ENOX1: variants seen among roughly 807,000 people sequenced by gnomAD.
The protein encoded by ENOX1 is ecto-NOX disulfide-thiol exchanger 1.
Under a neutral mutation model 82.5 loss-of-function variants are expected in ENOX1, and 42 were observed. The observed-to-expected ratio is 0.51, with a 90% CI of 0.40 to 0.66. The LOEUF (loss-of-function observed/expected upper bound fraction) is 0.66. ENOX1 is among the 30% of genes least tolerant of loss of function. ENOX1 has a pLI of 0.00. For missense variants in ENOX1, 608 were observed against 811.6 expected (o/e 0.75, Z 3.05); for synonymous variants, 271 against 282.2 (o/e 0.96, Z 0.40).
intron 2 of ENOX1, among the ~76,000 whole-genome samples, chr13:43,662,566 T>C (rs1398966737): frequency 2.0e-5 from 3 of 152,234 alleles, no homozygotes; most frequent in Non-Finnish European, 2.9e-5. Context: ...GTAATCCTTC[T>C]ACCTTCACTG....
intron 5 of ENOX1, among the ~76,000 whole-genome samples, chr13:43,403,832 C>T (rs1342465971): frequency 1.3e-5 from 2 of 149,510 alleles, no homozygotes; most frequent in Non-Finnish European, 3.0e-5. Flanking sequence ...AGAGTAAAAT[C>T]TTGTCTCAAA....
chr13:43,725,401 C>G (rs2088870912), intron 1 of ENOX1, among the ~76,000 whole-genome samples: 1 of 151,976 alleles, frequency 6.6e-6, no homozygotes, highest in South Asian at 2.1e-4. Context: ...ATACAGGCCT[C>G]AGAGCTCACC....
In ENOX1 at chr13:43,717,079, G is replaced by A. The variant is rs2088193862; in HGVS notation, c.-284-49535C>T. Reference sequence around the variant, plus strand: ...GTGGAACCAAAAAAAAGCCTGAATAGCCAAAGCAATCCTAATCGAAAAGAA... The same window carrying A: ...GTGGAACCAAAAAAAAGCCTGAATAACCAAAGCAATCCTAATCGAAAAGAA... On this transcript the variant is annotated intron_variant, in intron 1 of 16. Transcript: ENST00000690772. Among the ~76,000 whole-genome samples, 6 of 152,156 alleles carry A rather than the reference G, an allele frequency of 3.9e-5. No homozygotes were observed. In the South Asian group the frequency reaches 1.2e-3, roughly 32 times the overall value.
At chr13:43,602,494 C>T (rs1427287538) in intron 2 of ENOX1, among the ~76,000 whole-genome samples, 2 of 152,186 alleles carry the variant, frequency 1.3e-5, no homozygotes, top group East Asian at 3.9e-4. Flanking sequence ...ACAATTTCCA[C>T]ATTTATCTTA....
At chr13:43,742,458 AGT>A (rs1376980410) in intron 1 of ENOX1, among the ~76,000 whole-genome samples, 3 of 151,950 alleles carry the variant, frequency 2.0e-5, no homozygotes, top group Non-Finnish European at 4.4e-5. Flanking sequence ...TGAGTGTGAG[AGT>A]GTGTTAGTTC....
intron 12 of ENOX1, among the ~76,000 whole-genome samples, chr13:43,281,440 A>ATGG (rs1429177190): frequency 6.6e-6 from 1 of 152,154 alleles, no homozygotes; most frequent in Non-Finnish European, 1.5e-5. Context: ...TTTGCAATAA[A>ATGG]TGGTGTCAGC....
intron 10 of ENOX1, among the ~76,000 whole-genome samples, chr13:43,325,795 C>G (rs551967532): frequency 6.6e-6 from 1 of 152,272 alleles, no homozygotes; most frequent in African/African-American, 2.4e-5. Flanking sequence ...CGACCAGTGA[C>G]TAATGACACA....
intron 11 of ENOX1, among the ~76,000 whole-genome samples, chr13:43,299,538 T>C (rs2046457294): frequency 6.6e-6 from 1 of 152,040 alleles, no homozygotes; most frequent in African/African-American, 2.4e-5. Flanking sequence ...ATGTAACTCA[T>C]CCAATCCCAC....
At position 43,488,555 on chromosome 13, in the gene ENOX1, C is replaced by T. The variant is rs1314862889; in HGVS notation, c.-218-4403G>A. On this transcript the variant is annotated intron_variant, in intron 2 of 16. Transcript: ENST00000690772. Reference sequence around the variant, plus strand: ...GAATGGGATGATGCTGTAATAAATACCTAAAAATGTAGAAACAGCTTTGGA... The same window carrying T: ...GAATGGGATGATGCTGTAATAAATATCTAAAAATGTAGAAACAGCTTTGGA... Among the ~76,000 whole-genome samples, 4 of 152,166 alleles carry T rather than the reference C, an allele frequency of 2.6e-5. No individual in the cohort carries two copies. In the East Asian group the frequency reaches 7.7e-4, roughly 29 times the overall value.
At chr13:43,435,696 A>AT (rs1395403134) in intron 3 of ENOX1, among the ~76,000 whole-genome samples, 1 of 152,232 alleles carries the variant, frequency 6.6e-6, no homozygotes, top group African/African-American at 2.4e-5. Flanking sequence ...TTTTTTAAAT[A>AT]TAATGGTTCA....
chr13:43,268,717 G>A (rs2044520802), intron 13 of ENOX1, among the ~76,000 whole-genome samples: 1 of 152,124 alleles, frequency 6.6e-6, no homozygotes, highest in Non-Finnish European at 1.5e-5. Context: ...ATCTGCATTT[G>A]ATTACTCACA....
chr13:43,703,211 G>A (rs1183186848), intron 1 of ENOX1, among the ~76,000 whole-genome samples: 4 of 152,176 alleles, frequency 2.6e-5, no homozygotes, highest in Non-Finnish European at 5.9e-5. Context: ...AAATCCAGGA[G>A]AGGAATGACT....
At chr13:43,264,517 T>C (rs1230355017) in intron 14 of ENOX1, among the ~76,000 whole-genome samples, 2 of 152,352 alleles carry the variant, frequency 1.3e-5, no homozygotes, top group South Asian at 2.1e-4. Flanking sequence ...TGGGATTTTT[T>C]TGATACTCTG....
chr13:43,565,661 A>C lies in ENOX1; in HGVS notation c.-218-81509T>G, dbSNP rs1049431639. On this transcript the variant is annotated intron_variant, in intron 2 of 16. Coordinates refer to ENST00000690772, the MANE Select transcript of ENOX1 (RefSeq NM_001347969.2). Reference sequence around the variant, plus strand: ...TTAAGTTTAGTTAATTTTTTAGATAAGGAAAGATTCTTGCCTTTTGTTTCC... The same window carrying C: ...TTAAGTTTAGTTAATTTTTTAGATACGGAAAGATTCTTGCCTTTTGTTTCC... Among the ~76,000 whole-genome samples the C allele has an allele frequency of 5.4e-4, 83 of 152,312 alleles. 1 individual carries two copies. Among genetic ancestry groups the C allele is most frequent in the Admixed American group, 2.0e-3 (31 of 15,282 alleles).
intron 2 of ENOX1, among the ~76,000 whole-genome samples, chr13:43,534,133 G>C (rs529256171): frequency 7.0e-6 from 1 of 142,812 alleles, no homozygotes; most frequent in African/African-American, 2.4e-5. Context: ...CCTTTCCGTT[G>C]TATGAGTCCA....
intron 1 of ENOX1, among the ~76,000 whole-genome samples, chr13:43,688,549 A>C (rs2153802098): frequency 6.6e-6 from 1 of 152,320 alleles, no homozygotes; most frequent in Admixed American, 6.5e-5. Context: ...GACATAGACA[A>C]TATATAAATG....
intron 2 of ENOX1, among the ~76,000 whole-genome samples, chr13:43,631,326 G>T (rs1052397623): frequency 6.6e-6 from 1 of 152,054 alleles, no homozygotes; most frequent in Middle Eastern, 3.2e-3. Flanking sequence ...ATTCACTCTT[G>T]GCCTCAGCAC....
chr13:43,445,125 G>GTT (rs71808213), intron 3 of ENOX1, among the ~76,000 whole-genome samples: 1,516 of 137,772 alleles, frequency 0.011, 27 homozygotes, highest in African/African-American at 0.029. Flanking sequence ...TTCTTTCTGG[G>GTT]TTTTTTTTTT....
chr13:43,527,590 G>T (rs2078041812), intron 2 of ENOX1, among the ~76,000 whole-genome samples: 1 of 152,074 alleles, frequency 6.6e-6, no homozygotes, highest in Non-Finnish European at 1.5e-5. Context: ...GCTCAGCTGA[G>T]AAGAAATCTA....
Sources: gnomAD v4.1 joint callset for allele counts (sites outside exome capture counted in the v4.1 genomes callset) on GRCh38, gnomAD v4.1.1 for gene constraint, MANE v1.5 for transcripts, NCBI Gene and HGNC (gene_info 2026-07-23, HGNC 2026-07-21) for gene names.